ITGB6: variants seen among roughly 807,000 people sequenced by gnomAD.
ITGB6 encodes the protein integrin beta-6.
A neutral mutation model predicts 84.5 loss-of-function variants in ITGB6; 80 were observed. The observed-to-expected ratio is 0.95, with a 90% confidence interval of 0.79 to 1.14. ITGB6 has a LOEUF of 1.14. Ranked by LOEUF, ITGB6 falls within the 50% of genes most tolerant of loss-of-function variation. ITGB6 has a pLI of 0.00. For missense variants in ITGB6, 1,006 were observed against 968.0 expected (o/e 1.04, Z -0.52); for synonymous variants, 383 against 354.9 (o/e 1.08, Z -0.89).
At chr2:160,115,098 G>A (rs931018384) in intron 12 of ITGB6, among the ~76,000 whole-genome samples, 1 of 152,252 alleles carries the variant, frequency 6.6e-6, no homozygotes, top group Non-Finnish European at 1.5e-5. Context: ...AAAGACAGCA[G>A]TAACCTCTGC....
chr2:160,180,913 G>GGTCC lies in ITGB6; in HGVS notation c.594-6775_594-6774insGGAC, dbSNP rs1476889843. Among the ~76,000 whole-genome samples, 13 of 152,294 alleles carry GGTCC rather than the reference G, an allele frequency of 8.5e-5. No homozygotes were observed. In the East Asian group the frequency reaches 2.5e-3, roughly 29 times the overall value. On this transcript the variant is annotated intron_variant, in intron 4 of 14. Transcript: ENST00000283249. ...CAGGAACTCCCTCCCCTAGCCAAGG[G>GGTCC]AAGCTGTGAGGGACTGTGCCATGAG...
At chr2:160,103,587 G>C (rs1696800005) in intron 14 of ITGB6, among the ~76,000 whole-genome samples, 1 of 152,158 alleles carries the variant, frequency 6.6e-6, no homozygotes, top group South Asian at 2.1e-4. Context: ...GCAAAGGGCA[G>C]ACTGATGTGA....
chr2:160,115,292 G>A (rs4426486), intron 12 of ITGB6, among the ~76,000 whole-genome samples: 101,033 of 151,680 alleles, frequency 0.67, 34,023 homozygotes, highest in Admixed American at 0.74. Flanking sequence ...CTCCTCTGAG[G>A]CAAAACTTCC....
chr2:160,126,317 A>T, intron 11 of ITGB6, 62 bp downstream of exon 11: 2 of 1,467,660 alleles, frequency 1.4e-6, no homozygotes, highest in Non-Finnish European at 1.9e-6. Flanking sequence ...ACAAAATGCC[A>T]CTGTAAGTTT....
intron 7 of ITGB6, among the ~76,000 whole-genome samples, chr2:160,148,852 C>T (rs1354857398): frequency 1.3e-5 from 2 of 152,246 alleles, no homozygotes; most frequent in African/African-American, 2.4e-5. Context: ...ACTGCTAATG[C>T]AGCAGTCTGA....
At chr2:160,104,747 A>G (rs1406188030) in intron 14 of ITGB6, among the ~76,000 whole-genome samples, 1 of 152,230 alleles carries the variant, frequency 6.6e-6, no homozygotes, top group East Asian at 1.9e-4. Flanking sequence ...AATTCTAATC[A>G]AAGATGAATT....
At chr2:160,193,735 T>C (rs1021289248) in intron 4 of ITGB6, among the ~76,000 whole-genome samples, 10 of 152,190 alleles carry the variant, frequency 6.6e-5, no homozygotes, top group African/African-American at 1.9e-4. Flanking sequence ...ATTCTTGGAC[T>C]GTGAACATAA....
rs779692470 is a variant in ITGB6, at chr2:160,172,592, C to T, written c.898G>A (p.Glu300Lys). 27 of 1,607,922 alleles carry T rather than the reference C, an allele frequency of 1.7e-5. No individual in the cohort carries two copies. The South Asian group carries it at 2.4e-4, about 14-fold the overall frequency. The change falls in exon 6 of 15, where the codon GAA becomes AAA. Residue 300 changes from glutamate (E) to lysine (K), a missense_variant. Transcript: ENST00000283249. ...DGLCHLDSKN[E>K]YSMSTVLEYP... Reference sequence around the variant, plus strand: ...ACCAAGACAGTTGACATGGAGTATTCATTCTTGCTGTCCAAGTGACAGAGC... The same window carrying T: ...ACCAAGACAGTTGACATGGAGTATTTATTCTTGCTGTCCAAGTGACAGAGC...
At chr2:160,117,818 C>A (rs1481966240) in intron 12 of ITGB6, among the ~76,000 whole-genome samples, 1 of 152,084 alleles carries the variant, frequency 6.6e-6, no homozygotes, top group Admixed American at 6.6e-5. Context: ...TGCAATAAAA[C>A]ATGATAAAGG....
In ITGB6 at chr2:160,112,188, C is replaced by A; in HGVS notation, c.1993G>T (p.Asp665Tyr). 6.2e-7 allele frequency: 1 copy of A among 1,611,214 alleles called. No homozygotes were observed. Among genetic ancestry groups the A allele is most frequent in the African/African-American group, 1.3e-5 (1 of 74,840 alleles). Residue 665 changes from aspartate (D) to tyrosine (Y), a missense_variant, in exon 13 of 15, where the codon GAT (aspartate) becomes TAT (tyrosine). Physicochemically the swap from Asp to Tyr is radical, Grantham distance 160. Transcript: ENST00000283249. ...TGCAGAGAGCAGGAAACAGAACCAT[C>A]CTTTGAGAAATCTGCAGATAAAGGA... ...TISEEEDFSKDGSVSCSLQGE... is the reference protein window; with the variant it reads ...TISEEEDFSKYGSVSCSLQGE...
At chr2:160,141,011 G>A (rs996112) in intron 8 of ITGB6, among the ~76,000 whole-genome samples, 120,051 of 152,044 alleles carry the variant, frequency 0.79, 48,363 homozygotes, top group African/African-American at 0.95. Context: ...CTGATACGTC[G>A]TTTTAGTTAA....
chr2:160,127,266 C>A (rs762110074), intron 10 of ITGB6, among the ~76,000 whole-genome samples: 7 of 152,318 alleles, frequency 4.6e-5, no homozygotes, highest in Non-Finnish European at 7.4e-5. Flanking sequence ...GAATCTGGAA[C>A]CTTTTTTAAG....
At chr2:160,158,841 C>G (rs1299753795) in intron 7 of ITGB6, among the ~76,000 whole-genome samples, 2 of 152,162 alleles carry the variant, frequency 1.3e-5, no homozygotes, top group Admixed American at 6.5e-5. Context: ...TGGCTCATGC[C>G]TGTAATCCCA....
At chr2:160,117,969 A>C (rs559657957) in intron 12 of ITGB6, among the ~76,000 whole-genome samples, 104 of 152,342 alleles carry the variant, frequency 6.8e-4, no homozygotes, top group African/African-American at 2.5e-3. Context: ...AACCAGGAAG[A>C]AGTTGAATCT....
chr2:160,135,461 G>A (rs910986351), intron 10 of ITGB6, among the ~76,000 whole-genome samples: 4 of 150,892 alleles, frequency 2.7e-5, no homozygotes, highest in African/African-American at 9.7e-5. Flanking sequence ...TCAATATCAT[G>A]AAAATGGCCA....
At chr2:160,144,688 A>G (rs987400135) in intron 7 of ITGB6, among the ~76,000 whole-genome samples, 3 of 152,238 alleles carry the variant, frequency 2.0e-5, no homozygotes, top group African/African-American at 7.2e-5. Flanking sequence ...TATATTCTGC[A>G]AGCACTAGTT....
intron 11 of ITGB6, among the ~76,000 whole-genome samples, chr2:160,125,821 C>T (rs546201864): frequency 6.6e-6 from 1 of 152,244 alleles, no homozygotes; most frequent in South Asian, 2.1e-4. Context: ...AAACACAATA[C>T]ACAATAGCTG....
At chr2:160,182,043 T>A (rs1385626044) in intron 4 of ITGB6, among the ~76,000 whole-genome samples, 2 of 152,124 alleles carry the variant, frequency 1.3e-5, no homozygotes, top group Non-Finnish European at 2.9e-5. Context: ...GAAAAACTAA[T>A]GCAAAAAGAC....
rs117870469 is a variant in ITGB6 at position 160,155,905 on chromosome 2, A to G, written c.1017+13307T>C. On this transcript the variant is annotated intron_variant, in intron 7 of 14. Coordinates refer to ENST00000283249, the MANE Select transcript of ITGB6 (RefSeq NM_000888.5). ...TGCCACTGTGCACTCACTTCACTAG[A>G]ATGGCTAAAATTACAAAACTGACAA... Among the ~76,000 whole-genome samples, 91 of 152,334 alleles carry G rather than the reference A, an allele frequency of 6.0e-4. 2 individuals are homozygous for G. The East Asian group carries it at 0.015, about 25-fold the overall frequency.
Sources: gnomAD v4.1 joint callset for allele counts (sites outside exome capture counted in the v4.1 genomes callset) on GRCh38, gnomAD v4.1.1 for gene constraint, MANE v1.5 for transcripts, NCBI Gene and HGNC (gene_info 2026-07-23, HGNC 2026-07-21) for gene names.